The following DNAH12 variants were observed in gnomAD, a reference collection of about 807,000 sequenced individuals.
DNAH12 encodes the protein axonemal beta dynein heavy chain 12.
Under a neutral mutation model 371.5 loss-of-function variants are expected in DNAH12, and 285 were observed. That is an observed-to-expected ratio of 0.77 (90% CI 0.70 to 0.85). The LOEUF is 0.85. Ranked by LOEUF, DNAH12 falls within the 40% of genes least tolerant of loss-of-function variation. The pLI is 0.00. For missense variants in DNAH12, 3,611 were observed against 3,689.4 expected, an observed-to-expected ratio of 0.98 and a Z score of 0.55; for synonymous variants, 1,200 against 1,213.0, an observed-to-expected ratio of 0.99 and a Z score of 0.22.
chr3:57,345,058 A>G (rs1022480044), intron 60 of DNAH12, among the ~76,000 whole-genome samples: 2 of 152,152 alleles, frequency 1.3e-5, no homozygotes, highest in African/African-American at 4.8e-5. Flanking sequence ...TGTCATATGC[A>G]TTATATACTA....
At chr3:57,307,478 A>G (rs2061496560) in intron 69 of DNAH12, among the ~76,000 whole-genome samples, 1 of 152,152 alleles carries the variant, frequency 6.6e-6, no homozygotes. Flanking sequence ...CTTTTTATCC[A>G]AACAACTTGA....
chr3:57,436,858 A>C lies in DNAH12; in HGVS notation c.4655+93T>G, dbSNP rs948310891. ...GGCGGGGGTTGCTCTCAACTCACCT[A>C]ATCAGTTTGCCAAGTCTTTGGTTCA... On this transcript the variant is annotated intron_variant, in intron 30 of 73. Coordinates refer to ENST00000495027, the MANE Select transcript of DNAH12 (RefSeq NM_001366028.2). 6.7e-6 allele frequency: 6 copies of C among 900,144 alleles called. No individual in the cohort carries two copies. In the African/African-American group the frequency reaches 1.1e-4, roughly 16 times the overall value. 55.8% of individuals were successfully genotyped at this position (900,144 alleles called of 1,614,324 possible).
At chr3:57,512,221 T>A (rs546567323) in intron 4 of DNAH12, among the ~76,000 whole-genome samples, 1 of 152,182 alleles carries the variant, frequency 6.6e-6, no homozygotes, top group Non-Finnish European at 1.5e-5. Context: ...AAGGACATTA[T>A]GCTAAGTGAA....
At position 57,427,201 on chromosome 3, in the gene DNAH12, G is replaced by C. The variant is rs905746267; in HGVS notation, c.5253+1432C>G. Among the ~76,000 whole-genome samples, 3 of 147,858 alleles carry C rather than the reference G, an allele frequency of 2.0e-5. No homozygotes were observed. In the South Asian group the frequency reaches 6.5e-4, roughly 32 times the overall value. On this transcript the variant is annotated intron_variant, in intron 34 of 73. Coordinates refer to ENST00000495027, the MANE Select transcript of DNAH12 (RefSeq NM_001366028.2). ...GAGATGGTGGAAATGGTTGAACAAT[G>C]GTCCCCAAAAAGATATTTCCATGTT... is the stretch of plus-strand genomic sequence containing the variant.
chr3:57,553,876 G>C, the DNAH12 span, among the ~76,000 whole-genome samples: 3 of 149,718 alleles, frequency 2.0e-5, no homozygotes, highest in Non-Finnish European at 4.4e-5. Context: ...CCAAGCTGGA[G>C]GGCAGTGGCG....
At chr3:57,545,182 CAG>C (rs2069461400), upstream of DNAH12, among the ~76,000 whole-genome samples, 1 of 143,730 alleles carries the variant, frequency 7.0e-6, no homozygotes, top group South Asian at 2.2e-4. Flanking sequence ...TTTTTTGAGA[CAG>C]AGTTTTGATC....
chr3:57,434,003 C>T (rs1318333747), intron 30 of DNAH12, among the ~76,000 whole-genome samples, 175 bp from the exon 31 acceptor site: 1 of 152,106 alleles, frequency 6.6e-6, no homozygotes, highest in Non-Finnish European at 1.5e-5. Flanking sequence ...GACTACAAAT[C>T]AAATTCTTCA....
At chr3:57,469,124 G>A in intron 16 of DNAH12, 145 bp from the exon 17 acceptor site, 1 of 708,382 alleles carries the variant, frequency 1.4e-6, no homozygotes, top group Non-Finnish European at 2.2e-6. Flanking sequence ...CACACAGGTA[G>A]AGCTGATGGT....
In DNAH12 at chr3:57,446,207, A is replaced by C; in HGVS notation, c.4003T>G (p.Leu1335Val). 6.4e-7 allele frequency: 1 copy of C among 1,551,844 alleles called. No homozygotes were observed. The highest frequency in any genetic ancestry group is 8.7e-7 in the Non-Finnish European group (1 of 1,147,018). The change falls in exon 27 of 74, where the codon TTG becomes GTG. Residue 1335 changes from leucine (L) to valine (V), a missense_variant. This residue lies in a region of DNAH12 where 2,266 missense variants were observed against 2,236.9 expected (regional missense o/e 1.01). Transcript: ENST00000495027. ...TGAGCTACCACTGACAACACTTCCA[A>C]CTCAATTCGATTGAATTCATCAAAG... ...ACFDEFNRIE[L>V]EVLSVVAQQI...
chr3:57,391,748 C>T (rs1004996482), intron 45 of DNAH12, 124 bp downstream of exon 45: 9 of 152,128 alleles, frequency 5.9e-5, no homozygotes, highest in African/African-American at 1.9e-4. Flanking sequence ...AACATTATGC[C>T]TGTCATTACA....
chr3:57,358,248 T>C (rs1223339607), intron 58 of DNAH12, among the ~76,000 whole-genome samples: 1 of 152,244 alleles, frequency 6.6e-6, no homozygotes, highest in African/African-American at 2.4e-5. Flanking sequence ...TAGGTGGCAT[T>C]GGCATTAGGA....
intron 68 of DNAH12, 38 bp downstream of exon 68, chr3:57,309,627 AT>A (rs767635317): frequency 7.2e-7 from 1 of 1,396,970 alleles, no homozygotes; most frequent in Non-Finnish European, 9.4e-7. Context: ...TATCATTTTT[AT>A]TTATATTATA....
At chr3:57,344,998 G>C (rs1283034777) in intron 60 of DNAH12, among the ~76,000 whole-genome samples, 8 of 151,046 alleles carry the variant, frequency 5.3e-5, no homozygotes, top group Non-Finnish European at 1.2e-4. Context: ...ACTACTAGTA[G>C]TCTATTGTTG....
intron 43 of DNAH12, among the ~76,000 whole-genome samples, chr3:57,399,730 G>A (rs1248291600): frequency 1.3e-5 from 2 of 151,826 alleles, no homozygotes; most frequent in East Asian, 1.9e-4. Flanking sequence ...ACTCCTCTTC[G>A]TCCTCTTCAT....
intron 32 of DNAH12, among the ~76,000 whole-genome samples, chr3:57,431,572 A>G (rs1481942355): frequency 6.6e-6 from 1 of 152,008 alleles, no homozygotes; most frequent in African/African-American, 2.4e-5. Flanking sequence ...TGATGTTTTC[A>G]CTTCTTTCAT....
intron 37 of DNAH12, among the ~76,000 whole-genome samples, chr3:57,416,804 C>A (rs2064390144): frequency 6.6e-6 from 1 of 152,064 alleles, no homozygotes; most frequent in African/African-American, 2.4e-5. Flanking sequence ...AGCAAGGTTT[C>A]CCATTCTTAA....
chr3:57,295,540 T>A lies in DNAH12; in HGVS notation c.11677A>T (p.Ile3893Leu). The A allele has an allele frequency of 1.9e-6, 3 of 1,547,402 alleles. No individual in the cohort carries two copies. Among genetic ancestry groups the A allele is most frequent in the Non-Finnish European group, 2.6e-6 (3 of 1,145,082 alleles). ...PKLLFDLMPI[I>L]WIKPTQKSRI... ...GAATATTTACTTGGTTTTATCCATATGATGGGCATCAGGTCAAACAGAAGT... is the reference window on the plus strand; with the variant it reads ...GAATATTTACTTGGTTTTATCCATAAGATGGGCATCAGGTCAAACAGAAGT... The change falls in exon 73 of 74, where the codon ATA (isoleucine) becomes TTA (leucine). Residue 3893 changes from isoleucine to leucine, a missense_variant. Around this residue, in one of 3 missense-constraint regions of DNAH12, gnomAD observed 2,266 missense variants for 2,236.9 expected, o/e 1.01. Coordinates refer to ENST00000495027, the MANE Select transcript of DNAH12 (RefSeq NM_001366028.2).
Position 57,311,107 on chromosome 3 carries a change from GCT to G in DNAH12, c.10663-159_10663-158del, listed in dbSNP as rs1457977688. ...TGTTAGTTTTTTTTTGGACAGTCTC[GCT>G]CTGTCGCCCAGGCTGGAGTGCAGAG... On this transcript the variant is annotated intron_variant, in intron 66 of 73. Coordinates refer to ENST00000495027, the MANE Select transcript of DNAH12 (RefSeq NM_001366028.2). Among the ~76,000 whole-genome samples, 4 of 152,090 alleles carry G rather than the reference GCT, an allele frequency of 2.6e-5. No homozygotes were observed. The East Asian group carries it at 7.7e-4, about 29-fold the overall frequency.
intron 35 of DNAH12, among the ~76,000 whole-genome samples, chr3:57,422,749 C>T (rs542718051): frequency 2.0e-5 from 3 of 152,252 alleles, no homozygotes; most frequent in African/African-American, 7.2e-5. Context: ...GTGAAAATGA[C>T]ACATGTACAA....
Sources: allele counts gnomAD v4.1 joint callset (sites outside exome capture counted in the v4.1 genomes callset), GRCh38; gene constraint gnomAD v4.1.1; regional missense constraint gnomAD v4.1.1; transcripts MANE v1.5; gene names NCBI Gene and HGNC (gene_info 2026-07-23, HGNC 2026-07-21).